The following ARHGAP26 variants were observed in gnomAD, a reference collection of about 807,000 sequenced individuals.
ARHGAP26 encodes Rho GTPase activating protein 26, also known as rho GTPase-activating protein 26.
ARHGAP26 carries 38 observed loss-of-function variants against 104.8 expected under a neutral mutation model. The ratio of observed to expected loss-of-function variants is 0.36; its 90% confidence interval spans 0.28 to 0.48. ARHGAP26 has a LOEUF of 0.48. Ranked by LOEUF, ARHGAP26 falls within the 20% of genes least tolerant of loss-of-function variation. The pLI is 0.99. For synonymous variants in ARHGAP26, 341 were observed against 340.0 expected, an observed-to-expected ratio of 1.00 and a Z score of -0.03; for missense variants, 704 against 947.9, an observed-to-expected ratio of 0.74 and a Z score of 3.38.
chr5:142,843,324 TCTGACA>T (rs1771189312), intron 1 of ARHGAP26, among the ~76,000 whole-genome samples: 1 of 152,206 alleles, frequency 6.6e-6, no homozygotes, highest in Non-Finnish European at 1.5e-5. Flanking sequence ...CCTGTGTCTT[TCTGACA>T]CTGAGTGGAG....
At chr5:143,027,704 C>T (rs1041164515) in intron 12 of ARHGAP26, among the ~76,000 whole-genome samples, 2 of 152,184 alleles carry the variant, frequency 1.3e-5, no homozygotes, top group South Asian at 2.1e-4. Flanking sequence ...AACAATCCAG[C>T]ATTCCATATT....
intron 1 of ARHGAP26, among the ~76,000 whole-genome samples, chr5:142,858,207 T>C (rs1398348676): frequency 6.6e-6 from 1 of 152,120 alleles, no homozygotes; most frequent in Non-Finnish European, 1.5e-5. Context: ...CTGATGTTAA[T>C]TGGCACGGTT....
intron 1 of ARHGAP26, among the ~76,000 whole-genome samples, chr5:142,817,340 G>C (rs979146689): frequency 4.6e-5 from 7 of 152,214 alleles, no homozygotes; most frequent in African/African-American, 1.4e-4. Context: ...AGTCATTGTT[G>C]AAAACAAGGG....
chr5:142,886,754 A>G (rs1757770766), intron 5 of ARHGAP26, among the ~76,000 whole-genome samples: 2 of 152,202 alleles, frequency 1.3e-5, no homozygotes, highest in South Asian at 2.1e-4. Context: ...ACGAGATACA[A>G]AGGCTATCCC....
At chr5:143,035,707 G>A (rs974545088) in intron 12 of ARHGAP26, among the ~76,000 whole-genome samples, 2 of 151,956 alleles carry the variant, frequency 1.3e-5, no homozygotes, top group South Asian at 2.1e-4. Flanking sequence ...AGGCCGAGGC[G>A]GGTAGATCAC....
At chr5:142,842,163 C>A (rs1380570563) in intron 1 of ARHGAP26, among the ~76,000 whole-genome samples, 1 of 152,188 alleles carries the variant, frequency 6.6e-6, no homozygotes. Flanking sequence ...TAATGGAGAA[C>A]ACTTGCAGGG....
intron 11 of ARHGAP26, among the ~76,000 whole-genome samples, chr5:142,999,444 G>A (rs1206443900): frequency 6.6e-6 from 1 of 152,130 alleles, no homozygotes; most frequent in Non-Finnish European, 1.5e-5. Flanking sequence ...TGTTTTGGGG[G>A]AAGGAGAAAG....
chr5:143,029,914 T>C (rs2152856923), intron 12 of ARHGAP26, among the ~76,000 whole-genome samples: 1 of 152,238 alleles, frequency 6.6e-6, no homozygotes, highest in East Asian at 1.9e-4. Context: ...GCTAATTCAG[T>C]AGATTAGCTC....
intron 11 of ARHGAP26, among the ~76,000 whole-genome samples, chr5:142,988,896 G>C (rs892938328): frequency 6.6e-6 from 1 of 152,300 alleles, no homozygotes; most frequent in South Asian, 2.1e-4. Flanking sequence ...TTGCTGAGGA[G>C]TGCTTTACTT....
intron 11 of ARHGAP26, among the ~76,000 whole-genome samples, chr5:143,005,525 A>G (rs1052620861): frequency 2.0e-5 from 3 of 152,228 alleles, no homozygotes; most frequent in Non-Finnish European, 4.4e-5. Context: ...TTGCCTTGGC[A>G]GGGAGGTGGC....
intron 17 of ARHGAP26, among the ~76,000 whole-genome samples, chr5:143,089,080 G>A (rs550130231): frequency 2.0e-5 from 3 of 152,308 alleles, no homozygotes; most frequent in East Asian, 3.9e-4. Context: ...ACATACTGAC[G>A]TACTGATTCT....
chr5:143,162,309 A>ACACACACACG (rs1226566879), intron 20 of ARHGAP26, among the ~76,000 whole-genome samples: 5 of 144,924 alleles, frequency 3.5e-5, no homozygotes, highest in Non-Finnish European at 6.2e-5. Context: ...ACACACACAC[A>ACACACACACG]CACGCAATCC....
In ARHGAP26 at chr5:143,113,995, C is replaced by T. The variant is rs954874305; in HGVS notation, c.1539-6993C>T. Among the ~76,000 whole-genome samples the T allele has an allele frequency of 3.9e-5, 6 of 152,270 alleles. No homozygotes were observed. In the South Asian group the frequency reaches 6.2e-4, roughly 16 times the overall value. ...TTGCCCGTCGTTAGCTGTGTAACCT[C>T]GAGCCAATTACTTACCTTCTCAGTG... On this transcript the variant is annotated intron_variant, in intron 17 of 22. Transcript: ENST00000645722.
At chr5:143,030,306 C>T (rs182473681) in intron 12 of ARHGAP26, among the ~76,000 whole-genome samples, 5 of 152,208 alleles carry the variant, frequency 3.3e-5, no homozygotes, top group East Asian at 3.9e-4. Flanking sequence ...TTTAGATGGC[C>T]GAGTTAGTGT....
At chr5:143,060,609 A>G (rs954730994) in intron 17 of ARHGAP26, among the ~76,000 whole-genome samples, 12 of 151,896 alleles carry the variant, frequency 7.9e-5, no homozygotes, top group Admixed American at 7.9e-4. Context: ...GCTTAAATCT[A>G]CTATGATAAT....
intron 1 of ARHGAP26, among the ~76,000 whole-genome samples, chr5:142,825,509 A>T (rs1415020032): frequency 6.6e-6 from 1 of 152,212 alleles, no homozygotes; most frequent in African/African-American, 2.4e-5. Context: ...CTATGTCAGC[A>T]GCCTCTCCTT....
At chr5:143,031,775 C>T (rs1042710017) in intron 12 of ARHGAP26, among the ~76,000 whole-genome samples, 2 of 152,032 alleles carry the variant, frequency 1.3e-5, no homozygotes, top group Non-Finnish European at 2.9e-5. Context: ...GGCTGGAGTG[C>T]AGTGGTGCAG....
At chr5:143,073,719 G>C (rs1788594863) in intron 17 of ARHGAP26, among the ~76,000 whole-genome samples, 1 of 152,188 alleles carries the variant, frequency 6.6e-6, no homozygotes, top group Non-Finnish European at 1.5e-5. Context: ...AAGGAAAACT[G>C]TCTAGAAGGG....
At chr5:142,855,675 T>A (rs1207407304) in intron 1 of ARHGAP26, among the ~76,000 whole-genome samples, 4 of 152,224 alleles carry the variant, frequency 2.6e-5, no homozygotes. Context: ...ATTGGTTGCC[T>A]ATTATGTGTC....
Sources: allele counts gnomAD v4.1 joint callset (sites outside exome capture counted in the v4.1 genomes callset), GRCh38; gene constraint gnomAD v4.1.1; transcripts MANE v1.5; gene names NCBI Gene and HGNC (gene_info 2026-07-23, HGNC 2026-07-21).